The following RGS6 variants were observed in gnomAD, a reference collection of about 807,000 sequenced individuals.
RGS6 encodes regulator of G protein signaling 6.
Under a neutral mutation model 78.5 loss-of-function variants are expected in RGS6, and 30 were observed. The observed-to-expected ratio is 0.38, with a 90% CI of 0.29 to 0.52. The LOEUF (loss-of-function observed/expected upper bound fraction) is 0.52, where lower values mean the gene tolerates loss of function less well. RGS6 is among the 20% of genes least tolerant of loss of function. The probability of loss-of-function intolerance (pLI) is 0.85; values close to 1 mark genes in which losing one functional copy is unlikely to be tolerated. For synonymous variants in RGS6, 206 were observed against 206.0 expected (o/e 1.00, Z 0.00); for missense variants, 495 against 609.7 (o/e 0.81, Z 1.98).
At chr14:71,877,450 T>C in the RGS6 span, among the ~76,000 whole-genome samples, 1 of 152,248 alleles carries the variant, frequency 6.6e-6, no homozygotes, top group East Asian at 1.9e-4. Flanking sequence ...AGATACCCTT[T>C]CTTCCAGTTG....
At chr14:72,221,340 C>T (rs1203505458) in intron 2 of RGS6, among the ~76,000 whole-genome samples, 22 of 152,178 alleles carry the variant, frequency 1.4e-4, no homozygotes, top group Admixed American at 1.4e-3. Context: ...TACTACATTT[C>T]CCAAGCTTCC....
At chr14:72,296,401 G>GA (rs1397148263) in intron 2 of RGS6, among the ~76,000 whole-genome samples, 2 of 152,044 alleles carry the variant, frequency 1.3e-5, no homozygotes, top group Non-Finnish European at 2.9e-5. Context: ...TATCTTTTAA[G>GA]AAAAAAACTA....
chr14:72,367,264 C>T (rs2082620489), intron 3 of RGS6, among the ~76,000 whole-genome samples: 1 of 152,178 alleles, frequency 6.6e-6, no homozygotes, highest in Non-Finnish European at 1.5e-5. Context: ...TCCAGGACAT[C>T]CCCATGGGTC....
At chr14:72,441,615 G>C (rs1041531514) in intron 3 of RGS6, among the ~76,000 whole-genome samples, 5 of 152,222 alleles carry the variant, frequency 3.3e-5, no homozygotes, top group African/African-American at 1.2e-4. Flanking sequence ...ACTTCCTCCT[G>C]TCACTGCTGC....
chr14:72,469,858 A>G lies in RGS6; in HGVS notation c.460-149A>G. The stretch of plus-strand genomic sequence containing the variant: ...GTACGGAGGGTCTGGCGCAAAGTCA[A>G]ATGGGATACATGTCCAGGGGATTTA... On this transcript the variant is annotated intron_variant, in intron 7 of 17. Coordinates refer to ENST00000553525, the MANE Select transcript of RGS6 (RefSeq NM_001204424.2). The G allele has an allele frequency of 3.2e-6, 2 of 631,654 alleles. 1 individual carries two copies. The highest frequency in any genetic ancestry group is 3.8e-5 in the South Asian group (2 of 53,056). The allele number at this position is 631,654 out of a possible 1,614,324, so 39.1% of individuals were successfully genotyped here.
chr14:72,593,811 G>A, the RGS6 span, among the ~76,000 whole-genome samples: 1 of 152,122 alleles, frequency 6.6e-6, no homozygotes, highest in South Asian at 2.1e-4. Context: ...AAATTATTGG[G>A]CCACCCCACC....
At chr14:72,035,957 T>G (rs1421424994) in intron 2 of RGS6, among the ~76,000 whole-genome samples, 1 of 152,128 alleles carries the variant, frequency 6.6e-6, no homozygotes, top group Non-Finnish European at 1.5e-5. Flanking sequence ...ACTGCCATAA[T>G]GAGAATACAA....
At chr14:72,423,054 T>C (rs1252610933) in intron 3 of RGS6, among the ~76,000 whole-genome samples, 43 of 152,120 alleles carry the variant, frequency 2.8e-4, no homozygotes, top group Non-Finnish European at 5.9e-5. Flanking sequence ...TAGAAGGGCC[T>C]GACAGGTGGC....
intron 1 of RGS6, among the ~76,000 whole-genome samples, chr14:71,947,721 A>C (rs2091743857): frequency 6.6e-6 from 1 of 152,126 alleles, no homozygotes; most frequent in Non-Finnish European, 1.5e-5. Context: ...TATATTTTCT[A>C]ATTATTCTTA....
intron 12 of RGS6, among the ~76,000 whole-genome samples, chr14:72,491,128 C>T: frequency 6.6e-6 from 1 of 152,166 alleles, no homozygotes; most frequent in Non-Finnish European, 1.5e-5. Flanking sequence ...GGAATTGTGG[C>T]TCTGACTTTG....
intron 2 of RGS6, among the ~76,000 whole-genome samples, chr14:72,081,880 A>C (rs371869194): frequency 2.0e-5 from 3 of 152,124 alleles, no homozygotes; most frequent in Non-Finnish European, 4.4e-5. Flanking sequence ...TTTCCTAAAA[A>C]ATGTAGAAAG....
At chr14:72,338,377 A>G (rs1442057685) in intron 2 of RGS6, among the ~76,000 whole-genome samples, 1 of 152,234 alleles carries the variant, frequency 6.6e-6, no homozygotes, top group Non-Finnish European at 1.5e-5. Context: ...GAGCCAAGCA[A>G]AAGAGGAAAC....
chr14:72,001,313 AC>A (rs2083374676), intron 2 of RGS6, among the ~76,000 whole-genome samples: 1 of 152,182 alleles, frequency 6.6e-6, no homozygotes, highest in Non-Finnish European at 1.5e-5. Context: ...GATTTTTCCT[AC>A]CTCATAGAAT....
intron 2 of RGS6, among the ~76,000 whole-genome samples, chr14:72,337,158 C>A (rs1212697568): frequency 6.6e-6 from 1 of 152,064 alleles, no homozygotes; most frequent in East Asian, 1.9e-4. Flanking sequence ...CAGATGGAGC[C>A]ACCATTAGGA....
At chr14:72,328,377 C>G (rs2074261763) in intron 2 of RGS6, among the ~76,000 whole-genome samples, 1 of 152,168 alleles carries the variant, frequency 6.6e-6, no homozygotes, top group Non-Finnish European at 1.5e-5. Flanking sequence ...TAGAAAAGCA[C>G]CCAGTACATA....
intron 2 of RGS6, among the ~76,000 whole-genome samples, chr14:72,196,737 T>C (rs1599289453): frequency 6.6e-6 from 1 of 152,340 alleles, no homozygotes; most frequent in East Asian, 1.9e-4. Flanking sequence ...CACATCAAAG[T>C]TGAATTTTCC....
intron 15 of RGS6, among the ~76,000 whole-genome samples, chr14:72,523,581 G>A (rs764921670): frequency 2.0e-5 from 3 of 152,276 alleles, no homozygotes; most frequent in Non-Finnish European, 4.4e-5. Context: ...TTGACCACAC[G>A]CATTGTTAGA....
intron 2 of RGS6, among the ~76,000 whole-genome samples, chr14:72,235,054 GTATT>G (rs2050664790): frequency 6.6e-6 from 1 of 152,126 alleles, no homozygotes; most frequent in African/African-American, 2.4e-5. Context: ...ATCTGACGTG[GTATT>G]TATTTAGTTG....
chr14:72,008,877 T>C (rs751271606), intron 2 of RGS6, among the ~76,000 whole-genome samples: 1 of 152,194 alleles, frequency 6.6e-6, no homozygotes, highest in Non-Finnish European at 1.5e-5. Context: ...TCTTGCAAAA[T>C]TGGCTTGGCT....
Sources: gnomAD v4.1 joint callset for allele counts (sites outside exome capture counted in the v4.1 genomes callset) on GRCh38, gnomAD v4.1.1 for gene constraint, MANE v1.5 for transcripts, NCBI Gene and HGNC (gene_info 2026-07-23, HGNC 2026-07-21) for gene names.